CSTPP1: variants seen among roughly 807,000 people sequenced by gnomAD.
CSTPP1 encodes centriolar satellite-associated tubulin polyglutamylase complex regulator 1.
chr11:47,054,552 C>T, the CSTPP1 span, among the ~76,000 whole-genome samples: 3 of 151,624 alleles, frequency 2.0e-5, no homozygotes, highest in African/African-American at 7.3e-5. Flanking sequence ...GGCTCAAGGC[C>T]TCAGCCTCCC....
chr11:47,084,491 T>G, the CSTPP1 span, among the ~76,000 whole-genome samples: 9 of 152,196 alleles, frequency 5.9e-5, 1 homozygote, highest in African/African-American at 2.2e-4. Flanking sequence ...TTACCCTATA[T>G]TTCCTTCTAA....
At chr11:47,020,908 G>A in the CSTPP1 span, among the ~76,000 whole-genome samples, 1 of 152,314 alleles carries the variant, frequency 6.6e-6, no homozygotes, top group South Asian at 2.1e-4. Flanking sequence ...TTTCTTTGGA[G>A]AGTCCACTGT....
chr11:47,056,246 A>AC, the CSTPP1 span, among the ~76,000 whole-genome samples: 1 of 152,212 alleles, frequency 6.6e-6, no homozygotes, highest in Admixed American at 6.5e-5. Context: ...AAAAGTGTGG[A>AC]CCTGCACAGC....
At chr11:46,961,718 G>A in the CSTPP1 span, among the ~76,000 whole-genome samples, 1 of 151,894 alleles carries the variant, frequency 6.6e-6, no homozygotes, top group South Asian at 2.1e-4. Flanking sequence ...TTACATTTAG[G>A]TTTTTGATCC....
the CSTPP1 span, among the ~76,000 whole-genome samples, chr11:47,026,853 G>A: frequency 6.6e-6 from 1 of 152,098 alleles, no homozygotes; most frequent in Non-Finnish European, 1.5e-5. Flanking sequence ...ACTCCAGCCT[G>A]GATGACAGAG....
the CSTPP1 span, among the ~76,000 whole-genome samples, chr11:47,117,203 T>C: frequency 6.6e-6 from 1 of 152,254 alleles, no homozygotes; most frequent in Admixed American, 6.5e-5. Context: ...ATTTTGCCTG[T>C]TAATTGATGC....
At chr11:47,061,138 G>A in the CSTPP1 span, among the ~76,000 whole-genome samples, 68 of 151,404 alleles carry the variant, frequency 4.5e-4, no homozygotes, top group Non-Finnish European at 8.6e-4. Flanking sequence ...ATTCACAGTG[G>A]TTTTGTGTTC....
chr11:47,107,546 T>C, the CSTPP1 span, among the ~76,000 whole-genome samples: 59 of 152,308 alleles, frequency 3.9e-4, no homozygotes, highest in African/African-American at 1.4e-3. Flanking sequence ...TTGTTTTGCT[T>C]TGGTTTTTTG....
chr11:47,046,660 CTTTTTTTTTTTTTT>C, the CSTPP1 span, among the ~76,000 whole-genome samples: 1 of 79,734 alleles, frequency 1.3e-5, no homozygotes, highest in Non-Finnish European at 2.2e-5. Flanking sequence ...ATCTTCTTTT[CTTTTTTTTTTTTTT>C]TTTTTTTTTT....
chr11:47,061,872 T>C, the CSTPP1 span, among the ~76,000 whole-genome samples: 1 of 152,150 alleles, frequency 6.6e-6, no homozygotes. Context: ...CCTCAAATCA[T>C]TCACCTCTGT....
the CSTPP1 span, among the ~76,000 whole-genome samples, chr11:47,156,521 G>A: frequency 6.6e-6 from 1 of 152,218 alleles, no homozygotes; most frequent in African/African-American, 2.4e-5. Flanking sequence ...GCTTTCTTGA[G>A]GTAGAGAGGC....
chr11:47,063,561 A>C, the CSTPP1 span, among the ~76,000 whole-genome samples: 13 of 152,194 alleles, frequency 8.5e-5, no homozygotes, highest in African/African-American at 3.1e-4. Flanking sequence ...GATACATCAG[A>C]TAAGTGTGTA....
chr11:47,164,073 C>G, the CSTPP1 span: 3 of 1,595,406 alleles, frequency 1.9e-6, no homozygotes, highest in Non-Finnish European at 2.6e-6. Flanking sequence ...AATGCCAGCT[C>G]TTTCCTCTGC....
At chr11:47,161,646 A>G in the CSTPP1 span, 10 of 1,607,024 alleles carry the variant, frequency 6.2e-6, no homozygotes, top group Non-Finnish European at 8.5e-7. Flanking sequence ...TGAGGAGTCC[A>G]AAGGGTCCTG....
chr11:47,121,778 A>C, the CSTPP1 span, among the ~76,000 whole-genome samples: 1 of 152,026 alleles, frequency 6.6e-6, no homozygotes, highest in Non-Finnish European at 1.5e-5. Context: ...AACTATCAAT[A>C]AATATGGTTA....
chr11:47,113,902 T>A, the CSTPP1 span, among the ~76,000 whole-genome samples: 1 of 152,238 alleles, frequency 6.6e-6, no homozygotes, highest in African/African-American at 2.4e-5. Flanking sequence ...TTTTGGTGTT[T>A]TAGTCATGAA....
chr11:47,138,979 C>CAAAAAAA, the CSTPP1 span, among the ~76,000 whole-genome samples: 108 of 40,898 alleles, frequency 2.6e-3, 20 homozygotes, highest in Middle Eastern at 0.029. Flanking sequence ...GACTCCGTCT[C>CAAAAAAA]AAAAAAAAAA....
chr11:47,137,480 A>C, the CSTPP1 span: 1 of 1,500,262 alleles, frequency 6.7e-7, no homozygotes, highest in Non-Finnish European at 8.9e-7. Context: ...TACTGATCTT[A>C]AAATCTCACA....
At chr11:47,013,787 G>T in the CSTPP1 span, among the ~76,000 whole-genome samples, 2 of 152,140 alleles carry the variant, frequency 1.3e-5, no homozygotes, top group African/African-American at 4.8e-5. Context: ...TGGTATTTCT[G>T]GTTCTAGGTC....
Sources: gnomAD v4.1 joint callset for allele counts (sites outside exome capture counted in the v4.1 genomes callset) on GRCh38, gnomAD v4.1.1 for gene constraint, MANE v1.5 for transcripts, NCBI Gene and HGNC (gene_info 2026-07-23, HGNC 2026-07-21) for gene names.